Variants in GPSM1 observed in about 807,000 individuals in gnomAD.
The protein encoded by GPSM1 is G protein-signaling modulator 1.
Under a neutral mutation model 70.5 loss-of-function variants are expected in GPSM1, and 48 were observed. The observed-to-expected ratio is 0.68, with a 90% CI of 0.54 to 0.87. The LOEUF (loss-of-function observed/expected upper bound fraction) is 0.87. GPSM1 is among the 40% of genes least tolerant of loss of function. The pLI is 0.00. For missense variants in GPSM1, 981 were observed against 972.6 expected, an observed-to-expected ratio of 1.01 and a Z score of -0.11; for synonymous variants, 416 against 430.1, an observed-to-expected ratio of 0.97 and a Z score of 0.41.
At chr9:136,331,726 G>A (rs1832105142) in intron 1 of GPSM1, among the ~76,000 whole-genome samples, 3 of 152,208 alleles carry the variant, frequency 2.0e-5, no homozygotes, top group Non-Finnish European at 4.4e-5. Flanking sequence ...GCTGGTCCCA[G>A]TCCCTGGAGG....
chr9:136,349,921 C>G (rs1280057610), intron 11 of GPSM1, among the ~76,000 whole-genome samples, 158 bp downstream of exon 11: 1 of 152,206 alleles, frequency 6.6e-6, no homozygotes, highest in Non-Finnish European at 1.5e-5. Flanking sequence ...GTCCTGGGAC[C>G]CCGGTGGGGG....
chr9:136,336,881 G>A (rs1445440943), intron 3 of GPSM1, 40 bp from the exon 4 acceptor site: 67 of 1,531,998 alleles, frequency 4.4e-5, no homozygotes, highest in Non-Finnish European at 5.9e-5. Flanking sequence ...CGTGTGGGGG[G>A]CCGTGGAGGC....
chr9:136,338,765 C>T, intron 7 of GPSM1, 55 bp downstream of exon 7: 5 of 1,495,268 alleles, frequency 3.3e-6, no homozygotes, highest in Non-Finnish European at 4.5e-6. Flanking sequence ...GGCTGAATTA[C>T]CGCGGCCCAG....
In GPSM1 at chr9:136,338,702, G is replaced by A; in HGVS notation, c.966G>A (p.Leu322=). The A allele has an allele frequency of 6.4e-7, 1 of 1,556,472 alleles. No individual in the cohort carries two copies. The highest frequency in any genetic ancestry group is 8.7e-7 in the Non-Finnish European group (1 of 1,152,014). ...GGCACCTGCTCATTGCCCAGGAGCTGGCCGACAGGTGCGTGGGCGCGGACG... is the reference window on the plus strand; with the variant it reads ...GGCACCTGCTCATTGCCCAGGAGCTAGCCGACAGGTGCGTGGGCGCGGACG... ...HLRHLLIAQE[L]ADRVGEGRAC... The change falls in exon 7 of 14, where the codon CTG becomes CTA. Residue 322 remains leucine (L), a synonymous_variant. Coordinates refer to ENST00000440944, the MANE Select transcript of GPSM1 (RefSeq NM_001145638.3).
chr9:136,340,379 C>T lies in GPSM1; in HGVS notation c.1084-491C>T, dbSNP rs1410225916. 6.6e-6 allele frequency among the ~76,000 whole-genome samples: 1 copy of T among 152,020 alleles called. No homozygotes were observed. Among genetic ancestry groups the T allele is most frequent in the Non-Finnish European group, 1.5e-5 (1 of 67,994 alleles). On this transcript the variant is annotated intron_variant, in intron 8 of 13. Coordinates refer to ENST00000440944, the MANE Select transcript of GPSM1 (RefSeq NM_001145638.3). This position sits in a 1 kb window ranked among gnomAD's most constrained non-coding sequence, Gnocchi z 7.3. ...GGCAGCCAGCAGGCAGCCCCCGTGT[C>T]CCTCTGAGTGCAGGCTACAGCCTCC...
At chr9:136,357,987 GC>G in intron 13 of GPSM1, 26 bp from the exon 14 acceptor site, 1 of 1,592,222 alleles carries the variant, frequency 6.3e-7, no homozygotes, top group Non-Finnish European at 8.6e-7. Context: ...GGGGGGTGAG[GC>G]CGCCAACTGC....
chr9:136,336,866 C>T, intron 3 of GPSM1, 55 bp from the exon 4 acceptor site: 3 of 1,508,406 alleles, frequency 2.0e-6, no homozygotes, highest in Non-Finnish European at 1.8e-6. Context: ...GCCGGCTCTG[C>T]ACATCGTGTG....
At chr9:136,330,000 G>A (rs1426881703) in intron 1 of GPSM1, among the ~76,000 whole-genome samples, 2 of 151,884 alleles carry the variant, frequency 1.3e-5, no homozygotes, top group Non-Finnish European at 2.9e-5. Context: ...GTGCTGGGTC[G>A]GTGGGGACAG....
At chr9:136,351,224 C>T (rs1832654281) in intron 11 of GPSM1, among the ~76,000 whole-genome samples, 1 of 152,152 alleles carries the variant, frequency 6.6e-6, no homozygotes, top group African/African-American at 2.4e-5. Flanking sequence ...CAGCACTGCC[C>T]AACCATCTGG....
At chr9:136,357,893 TG>T in intron 13 of GPSM1, 120 bp from the exon 14 acceptor site, 1 of 725,636 alleles carries the variant, frequency 1.4e-6, no homozygotes, top group Non-Finnish European at 2.2e-6. Flanking sequence ...ACCAATTTCC[TG>T]GGTGGACAGG....
At chr9:136,338,830 G>C (rs1369512085) in intron 7 of GPSM1, 120 bp downstream of exon 7, 4 of 1,056,308 alleles carry the variant, frequency 3.8e-6, no homozygotes, top group Non-Finnish European at 5.4e-6. Context: ...CTGTGACCCA[G>C]GAGTGGCAAC....
chr9:136,344,813 C>A (rs1210020439), intron 9 of GPSM1, among the ~76,000 whole-genome samples: 2 of 152,168 alleles, frequency 1.3e-5, no homozygotes, highest in Non-Finnish European at 2.9e-5. Flanking sequence ...GGGCCTTGGC[C>A]GAAGAAGGGA....
intron 9 of GPSM1, among the ~76,000 whole-genome samples, chr9:136,348,295 C>T (rs1588702485): frequency 6.6e-6 from 1 of 152,286 alleles, no homozygotes; most frequent in Non-Finnish European, 1.5e-5. Context: ...CAGCATGATG[C>T]ACCCTCAGGA....
intron 10 of GPSM1, among the ~76,000 whole-genome samples, chr9:136,349,050 AGG>A (rs1410395362): frequency 6.6e-6 from 1 of 152,214 alleles, no homozygotes; most frequent in Non-Finnish European, 1.5e-5. Context: ...GCCCACAGAC[AGG>A]GGCACCCACT....
chr9:136,353,503 T>C (rs55880213), intron 11 of GPSM1, among the ~76,000 whole-genome samples: 19,149 of 152,204 alleles, frequency 0.13, 1,295 homozygotes, highest in East Asian at 0.27. Context: ...TCCAGAGCCT[T>C]TCCCCGTACC....
At chr9:136,337,398 C>T (rs1554769430) in intron 4 of GPSM1, 43 bp from the exon 5 acceptor site, 1 of 1,558,030 alleles carries the variant, frequency 6.4e-7, no homozygotes, top group Admixed American at 1.9e-5. Context: ...TGGGTGAGGA[C>T]ATGGGCTGGG....
At chr9:136,327,925 G>A (rs1440593861) in intron 1 of GPSM1, among the ~76,000 whole-genome samples, 162 bp downstream of exon 1, 1 of 147,616 alleles carries the variant, frequency 6.8e-6, no homozygotes, top group East Asian at 2.1e-4. Flanking sequence ...CCCGGCGTGT[G>A]CCCGCGTGGG....
Position 136,342,507 on chromosome 9 carries a change from G to T in GPSM1, c.1207+1514G>T, listed in dbSNP as rs1260426823. On this transcript the variant is annotated intron_variant, in intron 9 of 13. Coordinates refer to ENST00000440944, the MANE Select transcript of GPSM1 (RefSeq NM_001145638.3). The surrounding 1 kb of genome is among the most constrained non-coding windows in gnomAD (Gnocchi z 5.5). ...GCCTCCTCCCCCAGGGCTGGGGAAG[G>T]GTCCTCCTCCCCGCCCAGGGCAGCC... 1.3e-5 allele frequency among the ~76,000 whole-genome samples: 2 copies of T among 152,086 alleles called. No homozygotes were observed. The highest frequency in any genetic ancestry group is 2.4e-5 in the African/African-American group (1 of 41,516).
At chr9:136,332,552 C>T (rs1832126738) in intron 1 of GPSM1, among the ~76,000 whole-genome samples, 1 of 152,174 alleles carries the variant, frequency 6.6e-6, no homozygotes. Context: ...GGGCAGTAAA[C>T]CGAGTGAGAC....
Sources: gnomAD v4.1 joint callset for allele counts (sites outside exome capture counted in the v4.1 genomes callset) on GRCh38, gnomAD v4.1.1 for gene constraint, Gnocchi (gnomAD v3.1) non-coding constraint, MANE v1.5 for transcripts, NCBI Gene and HGNC (gene_info 2026-07-23, HGNC 2026-07-21) for gene names.